MINDY2: variants seen among roughly 807,000 people sequenced by gnomAD.
MINDY2 encodes the protein ubiquitin carboxyl-terminal hydrolase MINDY-2.
A neutral mutation model predicts 68.2 loss-of-function variants in MINDY2; 52 were observed. That is an observed-to-expected ratio of 0.76 (90% CI 0.61 to 0.96). The LOEUF (loss-of-function observed/expected upper bound fraction) is 0.96. Among genes scored for constraint, MINDY2 ranks in the 40% least tolerant of loss-of-function variants. MINDY2 has a pLI of 0.00. For missense variants in MINDY2, 881 were observed against 773.4 expected, an observed-to-expected ratio of 1.14 and a Z score of -1.65; for synonymous variants, 372 against 303.0, an observed-to-expected ratio of 1.23 and a Z score of -2.36.
At chr15:58,814,776 A>G (rs186885475) in intron 4 of MINDY2, among the ~76,000 whole-genome samples, 1 of 150,862 alleles carries the variant, frequency 6.6e-6, no homozygotes, top group Non-Finnish European at 1.5e-5. Context: ...ATGACTTGGA[A>G]ATATTCTTTA....
chr15:58,823,358 C>T (rs536545349), intron 5 of MINDY2, among the ~76,000 whole-genome samples: 8 of 151,846 alleles, frequency 5.3e-5, no homozygotes, highest in Admixed American at 1.3e-4. Flanking sequence ...TGCTATTCTT[C>T]TACTTGCAGT....
At chr15:58,828,807 C>T (rs935213966) in intron 5 of MINDY2, among the ~76,000 whole-genome samples, 5 of 151,732 alleles carry the variant, frequency 3.3e-5, no homozygotes, top group South Asian at 2.1e-4. Context: ...ATGATCCGCC[C>T]GCCTTCCAAA....
chr15:58,836,236 T>C (rs1300169132), intron 6 of MINDY2, among the ~76,000 whole-genome samples: 3 of 150,416 alleles, frequency 2.0e-5, no homozygotes, highest in Non-Finnish European at 2.9e-5. Context: ...TAACTATAAT[T>C]CTTTTTTTTT....
At chr15:58,808,879 C>T (rs1326968637) in intron 3 of MINDY2, among the ~76,000 whole-genome samples, 1 of 152,184 alleles carries the variant, frequency 6.6e-6, no homozygotes, top group African/African-American at 2.4e-5. Flanking sequence ...GCTGGGATTA[C>T]AGGTGGGAGC....
In MINDY2 at chr15:58,794,361, GTGTGTGT is replaced by G. The variant is rs1567045739; in HGVS notation, c.898+6399_898+6405del. Among the ~76,000 whole-genome samples, 893 of 118,068 alleles carry G rather than the reference GTGTGTGT, an allele frequency of 7.6e-3. 7 individuals carry two copies. The highest frequency in any genetic ancestry group is 0.033 in the African/African-American group (866 of 26,424). 77.5% of individuals were successfully genotyped at this position (118,068 alleles called of 152,430 possible). On this transcript the variant is annotated intron_variant, in intron 2 of 8. Coordinates refer to ENST00000559228, the MANE Select transcript of MINDY2 (RefSeq NM_001040450.3). ...GTAGAATAAAAGTTTTTTTTGGGGT[GTGTGTGT>G]GTGTGTGTGTGTGTGTGTGTGTGTG...
chr15:58,833,498 G>A (rs2031844947), intron 6 of MINDY2, among the ~76,000 whole-genome samples: 1 of 152,162 alleles, frequency 6.6e-6, no homozygotes, highest in Non-Finnish European at 1.5e-5. Context: ...CGCCGGCACC[G>A]GCCTCTGAGT....
intron 2 of MINDY2, among the ~76,000 whole-genome samples, chr15:58,790,188 G>A (rs28510910): frequency 0.16 from 24,230 of 152,130 alleles, 2,185 homozygotes; most frequent in South Asian, 0.33. Context: ...TCTGCAAATC[G>A]CCTTAAAAAG....
At chr15:58,805,370 C>T (rs1902945997) in intron 3 of MINDY2, among the ~76,000 whole-genome samples, 1 of 152,126 alleles carries the variant, frequency 6.6e-6, no homozygotes, top group South Asian at 2.1e-4. Flanking sequence ...CACAGAGCTG[C>T]AATATTCCCA....
chr15:58,778,507 TAAAA>T (rs557835517), intron 1 of MINDY2, among the ~76,000 whole-genome samples: 2 of 136,806 alleles, frequency 1.5e-5, no homozygotes, highest in African/African-American at 5.4e-5. Context: ...TTCTGTAAAA[TAAAA>T]AAAAGCTTAA....
chr15:58,785,598 A>T (rs1241570837), intron 1 of MINDY2, among the ~76,000 whole-genome samples: 1 of 152,190 alleles, frequency 6.6e-6, no homozygotes, highest in Non-Finnish European at 1.5e-5. Context: ...GTTTCAGTTT[A>T]AAAATATGCC....
chr15:58,852,146 C>T (rs1353586356), intron 8 of MINDY2, among the ~76,000 whole-genome samples, 181 bp downstream of exon 8: 3 of 151,298 alleles, frequency 2.0e-5, no homozygotes, highest in Admixed American at 1.3e-4. Flanking sequence ...ATTAGCCGGG[C>T]GTGGTGGTGG....
intron 5 of MINDY2, among the ~76,000 whole-genome samples, chr15:58,825,357 T>C (rs1419117866): frequency 1.3e-5 from 2 of 152,226 alleles, no homozygotes; most frequent in African/African-American, 4.8e-5. Context: ...AATTGTAGAA[T>C]ACACTGCTTT....
At chr15:58,780,701 T>C (rs1197532326) in intron 1 of MINDY2, among the ~76,000 whole-genome samples, 3 of 152,234 alleles carry the variant, frequency 2.0e-5, no homozygotes, top group Non-Finnish European at 2.9e-5. Flanking sequence ...CTTTATCTTA[T>C]GTCTCCTGAA....
At chr15:58,831,041 G>GTGTGTGTATATATATATATATATATA (rs565786025) in intron 5 of MINDY2, among the ~76,000 whole-genome samples, 21 of 124,916 alleles carry the variant, frequency 1.7e-4, no homozygotes, top group African/African-American at 5.5e-4. Flanking sequence ...GTGTGTGTGT[G>GTGTGTGTATATATATATATATATATA]TATATATATA....
chr15:58,775,672 A>G (rs1441860087), intron 1 of MINDY2, among the ~76,000 whole-genome samples: 2 of 152,114 alleles, frequency 1.3e-5, no homozygotes, highest in East Asian at 3.9e-4. Context: ...CATTTTTCAA[A>G]CCTGGGTAAT....
chr15:58,788,763 A>T (rs1901676645), intron 2 of MINDY2, among the ~76,000 whole-genome samples: 2 of 152,182 alleles, frequency 1.3e-5, no homozygotes, highest in Admixed American at 1.3e-4. Context: ...TAATCCCAGC[A>T]CTTTGGGAGG....
At chr15:58,785,797 C>T (rs1901459279) in intron 1 of MINDY2, among the ~76,000 whole-genome samples, 1 of 152,132 alleles carries the variant, frequency 6.6e-6, no homozygotes, top group Non-Finnish European at 1.5e-5. Context: ...CTGCCTCAGT[C>T]TCCCAAGTAG....
At chr15:58,821,417 T>C (rs1330752770) in intron 4 of MINDY2, among the ~76,000 whole-genome samples, 1 of 152,052 alleles carries the variant, frequency 6.6e-6, no homozygotes, top group Non-Finnish European at 1.5e-5. Context: ...ATGTTTTATT[T>C]TGATCACTTA....
chr15:58,823,758 G>C (rs2031221125), intron 5 of MINDY2, among the ~76,000 whole-genome samples: 1 of 152,180 alleles, frequency 6.6e-6, no homozygotes. Flanking sequence ...TGAGGCAGCA[G>C]TGTTCAAATT....
Sources: allele counts gnomAD v4.1 joint callset (sites outside exome capture counted in the v4.1 genomes callset), GRCh38; gene constraint gnomAD v4.1.1; transcripts MANE v1.5; gene names NCBI Gene and HGNC (gene_info 2026-07-23, HGNC 2026-07-21).